CDH7: variants seen among roughly 807,000 people sequenced by gnomAD.
CDH7 encodes the protein cadherin-7.
In CDH7, 25 loss-of-function variants were observed where a neutral mutation model predicts 71.8. The ratio of observed to expected loss-of-function variants is 0.35; its 90% CI spans 0.25 to 0.49. The LOEUF (loss-of-function observed/expected upper bound fraction) is 0.49. Ranked by LOEUF, CDH7 falls within the 20% of genes least tolerant of loss-of-function variation. The pLI is 0.99. For missense variants in CDH7, 862 were observed against 974.6 expected, an observed-to-expected ratio of 0.88 and a Z score of 1.54; for synonymous variants, 381 against 363.8, an observed-to-expected ratio of 1.05 and a Z score of -0.54.
rs543498506 is a variant in CDH7, at chr18:65,877,075, G to A, written c.1865-3326G>A. Among the ~76,000 whole-genome samples, 3 of 152,278 alleles carry A rather than the reference G, an allele frequency of 2.0e-5. No homozygotes were observed. The South Asian group carries it at 6.2e-4, about 32-fold the overall frequency. On this transcript the variant is annotated intron_variant, in intron 11 of 11. Transcript: ENST00000397968. Reference sequence around the variant, plus strand: ...TTAGCACCAGAGTCTATGAAGAACAGTTAATTCTTGTTCTATGTAAACATT... The same window carrying A: ...TTAGCACCAGAGTCTATGAAGAACAATTAATTCTTGTTCTATGTAAACATT...
chr18:65,822,049 G>A lies in CDH7; in HGVS notation c.626-32G>A, dbSNP rs1911949088. The A allele has an allele frequency of 3.2e-6, 5 of 1,556,496 alleles. No homozygotes were observed. The South Asian group carries it at 3.3e-5, about 10-fold the overall frequency. On this transcript the variant is annotated intron_variant, in intron 4 of 11. Transcript: ENST00000397968. ...TGTTAGTATAAATGCAGTGATTCAT[G>A]ATGAGTTTTACTGGGATTTGAAATT...
chr18:65,829,143 G>T (rs1440842682), intron 6 of CDH7, among the ~76,000 whole-genome samples: 1 of 32,618 alleles, frequency 3.1e-5, no homozygotes, highest in African/African-American at 9.2e-5. Flanking sequence ...GTTTTGAGAT[G>T]GGGTCTCGCT....
At chr18:65,782,165 C>CTTT (rs1568182737) in intron 2 of CDH7, among the ~76,000 whole-genome samples, 8 of 25,510 alleles carry the variant, frequency 3.1e-4, no homozygotes, top group African/African-American at 3.5e-4. Flanking sequence ...TTTCTTTCTT[C>CTTT]CTTTCTTTCT....
intron 2 of CDH7, among the ~76,000 whole-genome samples, chr18:65,768,567 C>G (rs960273795): frequency 6.6e-6 from 1 of 152,144 alleles, no homozygotes; most frequent in African/African-American, 2.4e-5. Flanking sequence ...AAGATATAAA[C>G]TGAAACGATG....
chr18:65,819,455 C>T (rs181041062), intron 4 of CDH7, among the ~76,000 whole-genome samples: 6 of 152,134 alleles, frequency 3.9e-5, no homozygotes, highest in Admixed American at 6.5e-5. Context: ...ACCTCCTGGA[C>T]TAAGTCCCAA....
intron 7 of CDH7, among the ~76,000 whole-genome samples, chr18:65,856,240 A>G (rs1246246297): frequency 1.3e-5 from 2 of 152,090 alleles, no homozygotes; most frequent in Non-Finnish European, 2.9e-5. Context: ...CTACAAACAC[A>G]CTTTCAAATT....
rs141781616 is a variant in CDH7 at position 65,765,127 on chromosome 18, A to G, written c.210+2075A>G. Among the ~76,000 whole-genome samples the G allele has an allele frequency of 2.0e-3, 307 of 152,198 alleles. 2 individuals are homozygous for G. The highest frequency in any genetic ancestry group is 0.01 in the Middle Eastern group (3 of 294). ...TTGCATGCTGTACATTGGGAGTTCA[A>G]TATCGCCTTTCATAGTAAATTGTCC... On this transcript the variant is annotated intron_variant, in intron 2 of 11. Coordinates refer to ENST00000397968, the MANE Select transcript of CDH7 (RefSeq NM_004361.5).
Position 65,862,682 on chromosome 18 carries a change from A to G in CDH7, c.1629A>G (p.Ile543Met). 1 of 1,614,116 alleles carries G rather than the reference A, an allele frequency of 6.2e-7. No homozygotes were observed. The highest frequency in any genetic ancestry group is 8.5e-7 in the Non-Finnish European group (1 of 1,179,998). ...LKDNKDNTAS[I>M]LTRRNGFRRQ... ...TTATCCTAGACAACACAGCCTCAAT[A>G]CTGACCAGGAGAAACGGCTTCCGGA... Residue 543 changes from isoleucine to methionine, a missense_variant, in exon 11 of 12, where the codon ATA (isoleucine) becomes ATG (methionine). Physicochemically the swap from Ile to Met is conservative, Grantham distance 10. Transcript: ENST00000397968.
In CDH7 at chr18:65,781,842, CTTTCTTTCTTTCTTTCTTTCTT is replaced by C. The variant is rs1339166212; in HGVS notation, c.210+18792_210+18813del. On this transcript the variant is annotated intron_variant, in intron 2 of 11. Coordinates refer to ENST00000397968, the MANE Select transcript of CDH7 (RefSeq NM_004361.5). The stretch of plus-strand genomic sequence containing the variant: ...TCCTTCTTTCTTTCTTTCTTTCTTT[CTTTCTTTCTTTCTTTCTTTCTT>C]TCTCTCTCTCTCTCTGTCTCTCTCT... Among the ~76,000 whole-genome samples the C allele has an allele frequency of 1.6e-4, 15 of 96,642 alleles. 1 individual carries two copies. Among genetic ancestry groups the C allele is most frequent in the African/African-American group, 6.8e-4 (11 of 16,120 alleles). The allele number at this position is 96,642 out of a possible 152,430, so 63.4% of individuals were successfully genotyped here. A position where few individuals can be genotyped will look rare whatever the true frequency, so the allele number is the denominator to read the frequency against.
intron 7 of CDH7, among the ~76,000 whole-genome samples, chr18:65,845,676 A>C (rs781616972): frequency 2.6e-5 from 4 of 152,094 alleles, no homozygotes; most frequent in African/African-American, 9.7e-5. Context: ...ATTTAATTTA[A>C]TGGAAAGAAA....
intron 2 of CDH7, among the ~76,000 whole-genome samples, chr18:65,788,338 T>C: frequency 6.6e-6 from 1 of 152,176 alleles, no homozygotes. Flanking sequence ...AAATATGTGG[T>C]CATCATCACT....
At chr18:65,873,691 A>C (rs2144059483) in intron 11 of CDH7, among the ~76,000 whole-genome samples, 1 of 152,302 alleles carries the variant, frequency 6.6e-6, no homozygotes, top group African/African-American at 2.4e-5. Context: ...ACGAAAATTT[A>C]AACGACTATT....
intron 7 of CDH7, among the ~76,000 whole-genome samples, chr18:65,854,662 A>G (rs528047883): frequency 2.6e-5 from 4 of 152,146 alleles, no homozygotes; most frequent in Non-Finnish European, 4.4e-5. Flanking sequence ...TTAAGAATCT[A>G]GACATTTGTC....
intron 2 of CDH7, among the ~76,000 whole-genome samples, chr18:65,807,784 C>T (rs1168354792): frequency 6.6e-6 from 1 of 152,130 alleles, no homozygotes; most frequent in East Asian, 1.9e-4. Flanking sequence ...AAGAAGGAAC[C>T]CTTCTCATAA....
chr18:65,865,620 C>A (rs1913729761), intron 11 of CDH7: 1 of 152,102 alleles, frequency 6.6e-6, no homozygotes, highest in South Asian at 2.1e-4. Context: ...CAAATGCTAC[C>A]ATTTTAGCTC....
chr18:65,804,899 C>T (rs1054184501), intron 2 of CDH7, among the ~76,000 whole-genome samples: 2 of 152,116 alleles, frequency 1.3e-5, no homozygotes, highest in Non-Finnish European at 2.9e-5. Context: ...AGCAAGGCAT[C>T]TGAACTCCAT....
intron 11 of CDH7, among the ~76,000 whole-genome samples, chr18:65,872,134 C>G (rs375456005): frequency 1.3e-5 from 2 of 152,208 alleles, no homozygotes; most frequent in South Asian, 2.1e-4. Flanking sequence ...GCATTGTTTA[C>G]TATTGAGTAA....
At chr18:65,867,035 ATT>A (rs11381508) in intron 11 of CDH7, among the ~76,000 whole-genome samples, 8 of 134,186 alleles carry the variant, frequency 6.0e-5, no homozygotes, top group South Asian at 2.3e-4. Context: ...GGTATTCTAA[ATT>A]TTTTTTTTTT....
chr18:65,781,860 TTCTTTCTCTC>T (rs1241787887), intron 2 of CDH7, among the ~76,000 whole-genome samples: 2 of 70,358 alleles, frequency 2.8e-5, no homozygotes, highest in African/African-American at 2.5e-4. Flanking sequence ...CTTTCTTTCT[TTCTTTCTCTC>T]TCTCTCTCTG....
Sources: allele counts gnomAD v4.1 joint callset (sites outside exome capture counted in the v4.1 genomes callset), GRCh38; gene constraint gnomAD v4.1.1; transcripts MANE v1.5; gene names NCBI Gene and HGNC (gene_info 2026-07-23, HGNC 2026-07-21).